Variants in ANKRD6 observed in about 807,000 individuals in gnomAD.
ANKRD6 encodes ankyrin repeat domain 6, also known as ankyrin repeat domain-containing protein 6.
In ANKRD6, 56 loss-of-function variants were observed where a neutral mutation model predicts 82.3. The observed-to-expected ratio is 0.68, with a 90% CI of 0.55 to 0.85. The LOEUF (loss-of-function observed/expected upper bound fraction) is 0.85, where lower values mean the gene tolerates loss of function less well. Among genes scored for constraint, ANKRD6 ranks in the 40% least tolerant of loss-of-function variants. ANKRD6 has a pLI of 0.00. For missense variants in ANKRD6, 852 were observed against 907.6 expected (o/e 0.94, Z 0.79); for synonymous variants, 347 against 352.1 (o/e 0.99, Z 0.16).
intron 2 of ANKRD6, among the ~76,000 whole-genome samples, chr6:89,586,323 A>C (rs989302243): frequency 1.3e-5 from 2 of 152,214 alleles, no homozygotes; most frequent in African/African-American, 4.8e-5. Flanking sequence ...AAGCAAGAAC[A>C]GTCCTTATAT....
chr6:89,470,830 G>C (rs1271749803), intron 1 of ANKRD6, among the ~76,000 whole-genome samples: 29 of 151,932 alleles, frequency 1.9e-4, no homozygotes. Context: ...ATTTATTCTA[G>C]GTGCTGTTAA....
chr6:89,445,638 G>A (rs1337888219), intron 1 of ANKRD6, among the ~76,000 whole-genome samples: 1 of 152,112 alleles, frequency 6.6e-6, no homozygotes, highest in Non-Finnish European at 1.5e-5. Flanking sequence ...TAGAGACTGG[G>A]TTTCACCATG....
intron 1 of ANKRD6, among the ~76,000 whole-genome samples, chr6:89,534,027 C>G (rs139362142): frequency 6.6e-6 from 1 of 152,168 alleles, no homozygotes; most frequent in Non-Finnish European, 1.5e-5. Context: ...ATATTGTTTT[C>G]TAACTGCCTA....
intron 1 of ANKRD6, among the ~76,000 whole-genome samples, chr6:89,467,925 A>G (rs928579450): frequency 6.6e-6 from 1 of 152,226 alleles, no homozygotes; most frequent in East Asian, 1.9e-4. Flanking sequence ...TTGAAACTGT[A>G]CTAGGACTTT....
At chr6:89,610,049 TG>T (rs1333774726) in intron 5 of ANKRD6, among the ~76,000 whole-genome samples, 3 of 152,152 alleles carry the variant, frequency 2.0e-5, no homozygotes, top group Admixed American at 6.5e-5. Flanking sequence ...AGCTCCTGTC[TG>T]GGAAATCAGT....
chr6:89,564,286 G>C (rs1036437911), intron 1 of ANKRD6, among the ~76,000 whole-genome samples: 7 of 152,128 alleles, frequency 4.6e-5, no homozygotes, highest in African/African-American at 1.7e-4. Context: ...GATGGAATGA[G>C]AGAGGAACAT....
chr6:89,563,313 G>A (rs1787769110), intron 1 of ANKRD6, among the ~76,000 whole-genome samples: 1 of 152,150 alleles, frequency 6.6e-6, no homozygotes, highest in Non-Finnish European at 1.5e-5. Flanking sequence ...GAGGATGGAG[G>A]GAAATCTTAG....
chr6:89,452,707 C>T (rs544584921), intron 1 of ANKRD6, among the ~76,000 whole-genome samples: 8 of 152,160 alleles, frequency 5.3e-5, no homozygotes, highest in African/African-American at 1.9e-4. Context: ...GCTAAATCCC[C>T]AGACCCCGCA....
At chr6:89,515,288 C>A (rs574375332) in intron 1 of ANKRD6, among the ~76,000 whole-genome samples, 1 of 152,244 alleles carries the variant, frequency 6.6e-6, no homozygotes, top group African/African-American at 2.4e-5. Context: ...CTTTGTGTTC[C>A]CTAAACTTCA....
chr6:89,472,972 A>G lies in ANKRD6; in HGVS notation c.-144+39597A>G, dbSNP rs150170552. ...ATAGAGTTTCTTTAAATCGGAGATT[A>G]TTAGATTTTTTTTCCCTAATCTCGC... On this transcript the variant is annotated intron_variant, in intron 1 of 15. Transcript: ENST00000339746. Among the ~76,000 whole-genome samples the G allele has an allele frequency of 5.0e-3, 759 of 152,298 alleles. 3 individuals are homozygous for G. Among genetic ancestry groups the G allele is most frequent in the African/African-American group, 0.018 (730 of 41,542 alleles).
At chr6:89,558,414 A>T (rs1282011635) in intron 1 of ANKRD6, among the ~76,000 whole-genome samples, 1 of 152,246 alleles carries the variant, frequency 6.6e-6, no homozygotes, top group African/African-American at 2.4e-5. Context: ...GAAATGAGCC[A>T]TGAAAAGGCA....
chr6:89,552,341 T>G (rs1785969657), intron 1 of ANKRD6, among the ~76,000 whole-genome samples: 2 of 152,194 alleles, frequency 1.3e-5, no homozygotes, highest in South Asian at 4.1e-4. Flanking sequence ...TATGATGACA[T>G]GAGTATAGGA....
At chr6:89,572,155 GT>G (rs1248733274) in intron 2 of ANKRD6, among the ~76,000 whole-genome samples, 1 of 152,190 alleles carries the variant, frequency 6.6e-6, no homozygotes, top group Non-Finnish European at 1.5e-5. Flanking sequence ...ATATACTACA[GT>G]TTTGGAAGCA....
chr6:89,479,084 G>T (rs777236731), intron 1 of ANKRD6, among the ~76,000 whole-genome samples: 18 of 152,272 alleles, frequency 1.2e-4, no homozygotes, highest in Middle Eastern at 6.8e-3. Flanking sequence ...CTAAGTCAAA[G>T]AAGTCAAGTT....
chr6:89,624,776 T>C, intron 13 of ANKRD6, 85 bp downstream of exon 13: 1 of 1,477,086 alleles, frequency 6.8e-7, no homozygotes, highest in Non-Finnish European at 9.1e-7. Flanking sequence ...TAGCACACCC[T>C]TCCACCCTGG....
chr6:89,557,156 T>C (rs1786711475), intron 1 of ANKRD6, among the ~76,000 whole-genome samples: 1 of 152,028 alleles, frequency 6.6e-6, no homozygotes, highest in Admixed American at 6.6e-5. Context: ...TGTGAATACA[T>C]TGATGGGGGA....
At position 89,632,597 on chromosome 6, in the gene ANKRD6, A is replaced by G. The variant is rs1310954950; in HGVS notation, c.*1593A>G. The G allele has an allele frequency of 6.6e-6, 1 of 152,122 alleles. No individual in the cohort carries two copies. Among genetic ancestry groups the G allele is most frequent in the Non-Finnish European group, 1.5e-5 (1 of 68,016 alleles). The allele number at this position is 152,122 out of a possible 1,614,324, so 9.4% of individuals were successfully genotyped here. ...CAGTCCTGGCTAATTTTTTGTAGATATAAGGTCTCATGATATTGCCCAGGC... is the reference window on the plus strand; with the variant it reads ...CAGTCCTGGCTAATTTTTTGTAGATGTAAGGTCTCATGATATTGCCCAGGC... On this transcript the variant is annotated 3_prime_UTR_variant, in exon 16 of 16. Coordinates refer to ENST00000339746, the MANE Select transcript of ANKRD6 (RefSeq NM_001242809.2).
intron 1 of ANKRD6, among the ~76,000 whole-genome samples, chr6:89,522,701 C>A (rs1472579760): frequency 2.6e-5 from 4 of 152,078 alleles, no homozygotes; most frequent in African/African-American, 9.7e-5. Context: ...TTTTCTAGGG[C>A]AGCCCCAGAA....
intron 1 of ANKRD6, among the ~76,000 whole-genome samples, chr6:89,512,553 A>G (rs1780676643): frequency 6.6e-6 from 1 of 152,036 alleles, no homozygotes; most frequent in Non-Finnish European, 1.5e-5. Flanking sequence ...TGCAGCCTGG[A>G]GTGTGGGGCT....
Sources: gnomAD v4.1 joint callset for allele counts (sites outside exome capture counted in the v4.1 genomes callset) on GRCh38, gnomAD v4.1.1 for gene constraint, MANE v1.5 for transcripts, NCBI Gene and HGNC (gene_info 2026-07-23, HGNC 2026-07-21) for gene names.